The following ARHGEF38 variants were observed in gnomAD, a reference collection of about 807,000 sequenced individuals.
ARHGEF38 encodes the protein Rho guanine nucleotide exchange factor 38.
A neutral mutation model predicts 79.9 loss-of-function variants in ARHGEF38; 79 were observed. The observed-to-expected ratio is 0.99, with a 90% confidence interval of 0.82 to 1.19. The LOEUF is 1.19. Ranked by LOEUF, ARHGEF38 falls within the 50% of genes most tolerant of loss-of-function variation. The probability of loss-of-function intolerance (pLI) is 0.00; values close to 1 mark genes in which losing one functional copy is unlikely to be tolerated. For synonymous variants in ARHGEF38, 366 were observed against 328.3 expected (o/e 1.11, Z -1.24); for missense variants, 962 against 907.2 (o/e 1.06, Z -0.78).
intron 1 of ARHGEF38, among the ~76,000 whole-genome samples, chr4:105,555,737 T>C (rs935219091): frequency 6.6e-6 from 1 of 152,178 alleles, no homozygotes; most frequent in African/African-American, 2.4e-5. Flanking sequence ...CAATGCTATA[T>C]TACCTGAGTA....
chr4:105,662,142 T>A (rs1258815415), intron 10 of ARHGEF38, among the ~76,000 whole-genome samples: 1 of 152,198 alleles, frequency 6.6e-6, no homozygotes, highest in Non-Finnish European at 1.5e-5. Flanking sequence ...AAGTGTAATT[T>A]TAATTTGCAT....
intron 7 of ARHGEF38, among the ~76,000 whole-genome samples, chr4:105,650,164 T>A (rs1450701207): frequency 1.3e-5 from 2 of 152,258 alleles, no homozygotes; most frequent in Non-Finnish European, 2.9e-5. Context: ...CAGACTTTTC[T>A]TCCTATGTGA....
intron 1 of ARHGEF38, among the ~76,000 whole-genome samples, chr4:105,587,251 T>A (rs1727097630): frequency 6.6e-6 from 1 of 152,152 alleles, no homozygotes. Flanking sequence ...GAGGCTGCAG[T>A]GAGCTGCAAT....
At chr4:105,659,801 C>A (rs1578356683) in intron 10 of ARHGEF38, among the ~76,000 whole-genome samples, 1 of 151,032 alleles carries the variant, frequency 6.6e-6, no homozygotes, top group Non-Finnish European at 1.5e-5. Context: ...ACATTCAAAC[C>A]ATGCTTTGTT....
rs1343802965 is a variant in ARHGEF38 at position 105,666,177 on chromosome 4, A to G, written c.1546A>G (p.Met516Val). 1 of 1,518,514 alleles carries G rather than the reference A, an allele frequency of 6.6e-7. No homozygotes were observed. The highest frequency in any genetic ancestry group is 2.1e-5 in the Admixed American group (1 of 47,022). 94.1% of individuals were successfully genotyped at this position (1,518,514 alleles called of 1,614,324 possible). Residue 516 changes from methionine to valine, a missense_variant and splice_region_variant, in exon 11 of 14, where the codon ATG becomes GTG. Transcript: ENST00000420470. ...AQQAYSTLVP[M>V]PLLVSSISEI... is the part of the protein sequence containing the mutation. ...AATGCCATATTATTTCTACCTATAG[A>G]TGCCACTGTTGGTTTCAAGCATTTC...
At position 105,620,488 on chromosome 4, in the gene ARHGEF38, AATT is replaced by A. The variant is rs1238127688; in HGVS notation, c.508+6987_508+6989del. Among the ~76,000 whole-genome samples, 4 of 152,312 alleles carry A rather than the reference AATT, an allele frequency of 2.6e-5. No homozygotes were observed. In the East Asian group the frequency reaches 7.7e-4, roughly 29 times the overall value. ...TTAATATCCAATAGATGATGTTATA[AATT>A]ATTATCCCAAGAATATTAGATTTAC... On this transcript the variant is annotated intron_variant, in intron 3 of 13. Transcript: ENST00000420470.
chr4:105,679,515 C>T lies in ARHGEF38; in HGVS notation c.*1578C>T, dbSNP rs1463245113. On this transcript the variant is annotated 3_prime_UTR_variant, in exon 14 of 14. Coordinates refer to ENST00000420470, the MANE Select transcript of ARHGEF38 (RefSeq NM_001242729.2). ...GTTGATTAAAGATCATGGTTCAAAG[C>T]TTGATACACCAGAAATGTGGGCTAA... is the stretch of plus-strand genomic sequence containing the variant. 7.2e-7 allele frequency: 1 copy of T among 1,389,054 alleles called. No homozygotes were observed. Among genetic ancestry groups the T allele is most frequent in the African/African-American group, 1.4e-5 (1 of 70,450 alleles). 86.0% of individuals were successfully genotyped at this position (1,389,054 alleles called of 1,614,324 possible). A position where few individuals can be genotyped will look rare whatever the true frequency, so the allele number is the denominator to read the frequency against.
At position 105,599,257 on chromosome 4, in the gene ARHGEF38, T is replaced by A. The variant is rs182698074; in HGVS notation, c.384+9822T>A. Among the ~76,000 whole-genome samples, 332 of 152,316 alleles carry A rather than the reference T, an allele frequency of 2.2e-3. 4 individuals are homozygous for A. Among genetic ancestry groups the A allele is most frequent in the South Asian group, 8.3e-4 (4 of 4,826 alleles). On this transcript the variant is annotated intron_variant, in intron 2 of 13. Transcript: ENST00000420470. ...AAACTGTCCTCCTTGTTGTTACATT[T>A]ATAAGCACCTCCTAAGCTCCTTTTT...
intron 1 of ARHGEF38, among the ~76,000 whole-genome samples, chr4:105,579,347 G>A (rs1273671407): frequency 6.6e-6 from 1 of 152,178 alleles, no homozygotes; most frequent in Non-Finnish European, 1.5e-5. Context: ...TGCCCATTTA[G>A]TATGTTGTTG....
intron 10 of ARHGEF38, among the ~76,000 whole-genome samples, chr4:105,663,843 G>A (rs1730651421): frequency 6.6e-6 from 1 of 152,016 alleles, no homozygotes; most frequent in African/African-American, 2.4e-5. Flanking sequence ...GGTGGCACAT[G>A]CCTGTAATCC....
intron 3 of ARHGEF38, among the ~76,000 whole-genome samples, chr4:105,625,059 G>C (rs1419559424): frequency 6.6e-6 from 1 of 152,040 alleles, no homozygotes; most frequent in African/African-American, 2.4e-5. Flanking sequence ...TTCCTTTTGG[G>C]ATATATCTCA....
chr4:105,553,127 GA>G (rs372233047), intron 1 of ARHGEF38, among the ~76,000 whole-genome samples, 166 bp downstream of exon 1: 1,956 of 151,786 alleles, frequency 0.013, 46 homozygotes, highest in African/African-American at 0.045. Flanking sequence ...AAATTATAGG[GA>G]AAAAAATTTA....
chr4:105,594,215 T>C (rs558525242), intron 2 of ARHGEF38, among the ~76,000 whole-genome samples: 2 of 152,302 alleles, frequency 1.3e-5, no homozygotes, highest in South Asian at 2.1e-4. Flanking sequence ...CTCATATGAC[T>C]CTTATCAGCG....
intron 2 of ARHGEF38, among the ~76,000 whole-genome samples, chr4:105,603,990 G>T (rs968479766): frequency 6.6e-6 from 1 of 152,088 alleles, no homozygotes; most frequent in African/African-American, 2.4e-5. Context: ...AACCTTTTTG[G>T]TATGTTTACT....
At chr4:105,565,204 A>G (rs1725828235) in intron 1 of ARHGEF38, among the ~76,000 whole-genome samples, 4 of 152,168 alleles carry the variant, frequency 2.6e-5, no homozygotes, top group Admixed American at 2.6e-4. Context: ...TCCCAGCCCC[A>G]GTATTTGAGC....
intron 4 of ARHGEF38, 49 bp downstream of exon 4, chr4:105,631,094 A>C (rs752413604): frequency 6.4e-7 from 1 of 1,565,446 alleles, no homozygotes; most frequent in Non-Finnish European, 8.6e-7. Context: ...GTTGCCTAGC[A>C]GGGAACATTT....
At chr4:105,644,253 T>C (rs1021204785) in intron 5 of ARHGEF38, among the ~76,000 whole-genome samples, 2 of 152,228 alleles carry the variant, frequency 1.3e-5, no homozygotes, top group African/African-American at 2.4e-5. Flanking sequence ...TGGTCAGTCA[T>C]TTATCCATAG....
intron 3 of ARHGEF38, among the ~76,000 whole-genome samples, chr4:105,615,274 T>C (rs1728466076): frequency 6.6e-6 from 1 of 152,184 alleles, no homozygotes; most frequent in African/African-American, 2.4e-5. Context: ...AAAAGATTTC[T>C]GGCAAGGGTG....
intron 1 of ARHGEF38, among the ~76,000 whole-genome samples, chr4:105,577,014 A>G (rs1260692611): frequency 6.6e-6 from 1 of 152,076 alleles, no homozygotes. Context: ...AGATTCAGCT[A>G]GCTAGTATTT....
Sources: allele counts gnomAD v4.1 joint callset (sites outside exome capture counted in the v4.1 genomes callset), GRCh38; gene constraint gnomAD v4.1.1; transcripts MANE v1.5; gene names NCBI Gene and HGNC (gene_info 2026-07-23, HGNC 2026-07-21).